XXYLT1: variants seen among roughly 807,000 people sequenced by gnomAD.
XXYLT1 encodes the protein UDP-xylose:alpha-xyloside alpha-1,3-xylosyltransferase.
In XXYLT1, 20 loss-of-function variants were observed where a neutral mutation model predicts 28.9. The ratio of observed to expected loss-of-function variants is 0.69; its 90% confidence interval spans 0.49 to 1.00. XXYLT1 has a LOEUF of 1.00. Ranked by LOEUF, XXYLT1 falls within the 50% of genes least tolerant of loss-of-function variation. XXYLT1 has a pLI of 0.00. For missense variants in XXYLT1, 542 were observed against 560.1 expected (o/e 0.97, Z 0.33); for synonymous variants, 257 against 253.8 (o/e 1.01, Z -0.12).
chr3:195,174,089 A>T (rs1390157194), intron 2 of XXYLT1, among the ~76,000 whole-genome samples: 3 of 152,322 alleles, frequency 2.0e-5, no homozygotes, highest in Admixed American at 2.0e-4. Flanking sequence ...AGGGCTGTAG[A>T]TCATTTCATT....
At chr3:195,262,817 T>C (rs967280635) in intron 1 of XXYLT1, among the ~76,000 whole-genome samples, 5 of 152,366 alleles carry the variant, frequency 3.3e-5, no homozygotes, top group East Asian at 3.9e-4. Flanking sequence ...GTACACAAAC[T>C]ACTACAGCTG....
intron 2 of XXYLT1, among the ~76,000 whole-genome samples, chr3:195,165,628 C>T (rs1230178029): frequency 2.0e-5 from 3 of 152,092 alleles, no homozygotes; most frequent in Non-Finnish European, 4.4e-5. Context: ...TATCTTTTAC[C>T]CTGTGACAGT....
rs1431732202 is a variant in XXYLT1, at chr3:195,110,898, G to GTGTAT, written c.786-40788_786-40787insATACA. 1.2e-4 allele frequency among the ~76,000 whole-genome samples: 12 copies of GTGTAT among 97,726 alleles called. 1 individual carries two copies. The highest frequency in any genetic ancestry group is 2.4e-4 in the Non-Finnish European group (11 of 45,532). The allele number at this position is 97,726 out of a possible 152,430, so 64.1% of individuals were successfully genotyped here. ...TGTGGTGTATGTGTGCGTGTGTGTGGGTGAGGTGTGTGGTGTGTGTGTGTG... is the reference window on the plus strand; with the variant it reads ...TGTGGTGTATGTGTGCGTGTGTGTGGTGTATGTGAGGTGTGTGGTGTGTGTGTGTG... On this transcript the variant is annotated intron_variant, in intron 3 of 3. Coordinates refer to ENST00000310380, the MANE Select transcript of XXYLT1 (RefSeq NM_152531.5).
In XXYLT1 at chr3:195,069,585, T is replaced by G; in HGVS notation, c.*130A>C. On this transcript the variant is annotated 3_prime_UTR_variant, in exon 4 of 4. Coordinates refer to ENST00000310380, the MANE Select transcript of XXYLT1 (RefSeq NM_152531.5). ...ACAGTGACCTGCCCGGCAGGAGGTC[T>G]CAGCACCTTAATCACAGGACTTCCC... is the stretch of plus-strand genomic sequence containing the variant. 7.3e-7 allele frequency: 1 copy of G among 1,368,664 alleles called. No homozygotes were observed. The highest frequency in any genetic ancestry group is 1.4e-5 in the African/African-American group (1 of 68,968). The allele number at this position is 1,368,664 out of a possible 1,614,324, so 84.8% of individuals were successfully genotyped here.
intron 2 of XXYLT1, among the ~76,000 whole-genome samples, chr3:195,207,866 G>A (rs1462753922): frequency 1.3e-5 from 2 of 152,120 alleles, no homozygotes; most frequent in Non-Finnish European, 2.9e-5. Flanking sequence ...ATCCTCCCTG[G>A]CTGCTGGCCA....
At chr3:195,089,428 G>T (rs1006107975) in intron 3 of XXYLT1, among the ~76,000 whole-genome samples, 1 of 152,102 alleles carries the variant, frequency 6.6e-6, no homozygotes, top group South Asian at 2.1e-4. Flanking sequence ...GCCAAACTAA[G>T]CTTCATAAGT....
At position 195,169,869 on chromosome 3, in the gene XXYLT1, A is replaced by ATT. The variant is rs34190474; in HGVS notation, c.653-13290_653-13289dup. Among the ~76,000 whole-genome samples the ATT allele has an allele frequency of 5.6e-3, 687 of 123,224 alleles. 6 individuals carry two copies. Among genetic ancestry groups the ATT allele is most frequent in the Non-Finnish European group, 8.9e-3 (527 of 59,194 alleles). The allele number at this position is 123,224 out of a possible 152,430, so 80.8% of individuals were successfully genotyped here. On this transcript the variant is annotated intron_variant, in intron 2 of 3. Transcript: ENST00000310380. The stretch of plus-strand genomic sequence containing the variant: ...TGTGTGTACATATATATATATATAT[A>ATT]TTTTTTTTTTTTTGAGATGGAGTTT...
intron 1 of XXYLT1, among the ~76,000 whole-genome samples, chr3:195,254,238 A>T (rs969213691): frequency 1.3e-5 from 2 of 152,212 alleles, no homozygotes; most frequent in African/African-American, 4.8e-5. Context: ...CCCTGCACTG[A>T]CCACAGGTTA....
intron 1 of XXYLT1, among the ~76,000 whole-genome samples, chr3:195,243,163 G>A (rs193213300): frequency 6.6e-6 from 1 of 151,762 alleles, no homozygotes; most frequent in Admixed American, 6.6e-5. Flanking sequence ...TGAACAATGA[G>A]AACACTTGGA....
Position 195,069,607 on chromosome 3 carries a change from T to C in XXYLT1, c.*108A>G, listed in dbSNP as rs1714676625. 2 of 1,456,064 alleles carry C rather than the reference T, an allele frequency of 1.4e-6. No homozygotes were observed. Among genetic ancestry groups the C allele is most frequent in the Non-Finnish European group, 1.8e-6 (2 of 1,091,002 alleles). The allele number at this position is 1,456,064 out of a possible 1,614,324, so 90.2% of individuals were successfully genotyped here. ...GTCTCAGCACCTTAATCACAGGACT[T>C]CCCTGCGGTGTCTCTCTAGCGGGTC... is the stretch of plus-strand genomic sequence containing the variant. On this transcript the variant is annotated 3_prime_UTR_variant, in exon 4 of 4. Coordinates refer to ENST00000310380, the MANE Select transcript of XXYLT1 (RefSeq NM_152531.5).
intron 2 of XXYLT1, among the ~76,000 whole-genome samples, chr3:195,169,052 T>TA (rs1166145800): frequency 1.3e-5 from 2 of 152,232 alleles, no homozygotes; most frequent in Admixed American, 6.5e-5. Flanking sequence ...CCCCTAGGCT[T>TA]AGCAGGGTCT....
At chr3:195,260,801 A>G (rs1353754541) in intron 1 of XXYLT1, among the ~76,000 whole-genome samples, 1 of 152,184 alleles carries the variant, frequency 6.6e-6, no homozygotes, top group Non-Finnish European at 1.5e-5. Flanking sequence ...CACTACGCCC[A>G]GAGCTTCCTT....
chr3:195,100,560 CT>C (rs1716721342), intron 3 of XXYLT1, among the ~76,000 whole-genome samples: 1 of 152,130 alleles, frequency 6.6e-6, no homozygotes. Flanking sequence ...GCCTCTACCC[CT>C]GCCAGCCTCC....
At chr3:195,243,216 G>C (rs184658845) in intron 1 of XXYLT1, among the ~76,000 whole-genome samples, 277 of 151,960 alleles carry the variant, frequency 1.8e-3, no homozygotes, top group African/African-American at 6.5e-3. Context: ...GTCGTGGGGT[G>C]GGGGGAAGGG....
intron 1 of XXYLT1, among the ~76,000 whole-genome samples, chr3:195,246,046 C>T (rs1725009804): frequency 6.6e-6 from 1 of 152,222 alleles, no homozygotes; most frequent in African/African-American, 2.4e-5. Flanking sequence ...CAGAAGACAA[C>T]ACAACCACAC....
At chr3:195,188,044 A>G (rs769199403) in intron 2 of XXYLT1, among the ~76,000 whole-genome samples, 1 of 152,228 alleles carries the variant, frequency 6.6e-6, no homozygotes. Flanking sequence ...GCTTGGCTCT[A>G]TATTTAGATG....
intron 2 of XXYLT1, among the ~76,000 whole-genome samples, chr3:195,183,067 C>G (rs1159239055): frequency 6.6e-6 from 1 of 152,156 alleles, no homozygotes; most frequent in African/African-American, 2.4e-5. Context: ...GAAGCTCGGG[C>G]AGGACAAATA....
chr3:195,259,426 G>C (rs1032053330), intron 1 of XXYLT1, among the ~76,000 whole-genome samples: 1 of 152,224 alleles, frequency 6.6e-6, no homozygotes, highest in African/African-American at 2.4e-5. Flanking sequence ...CCCACACGAC[G>C]GTGTGAGTGG....
chr3:195,102,959 C>G (rs993345371), intron 3 of XXYLT1, among the ~76,000 whole-genome samples: 21 of 152,230 alleles, frequency 1.4e-4, no homozygotes, highest in Non-Finnish European at 1.5e-5. Context: ...TCCCTCTTCT[C>G]CACACCCTCG....
Sources: allele counts gnomAD v4.1 joint callset (sites outside exome capture counted in the v4.1 genomes callset), GRCh38; gene constraint gnomAD v4.1.1; transcripts MANE v1.5; gene names NCBI Gene and HGNC (gene_info 2026-07-23, HGNC 2026-07-21).